GRAMD2B: variants seen among roughly 807,000 people sequenced by gnomAD.
GRAMD2B encodes the protein GRAM domain-containing protein 2B.
Under a neutral mutation model 59.2 loss-of-function variants are expected in GRAMD2B, and 41 were observed. The observed-to-expected ratio is 0.69, with a 90% confidence interval of 0.54 to 0.90. The LOEUF (loss-of-function observed/expected upper bound fraction) is 0.90. GRAMD2B is among the 40% of genes least tolerant of loss of function. The pLI, the probability that GRAMD2B is intolerant of heterozygous loss-of-function variation, is 0.00. For synonymous variants in GRAMD2B, 161 were observed against 182.7 expected (o/e 0.88, Z 0.96); for missense variants, 424 against 500.5 (o/e 0.85, Z 1.46).
Position 126,360,820 on chromosome 5 carries a change from CTA to C in GRAMD2B, c.128+363_128+364del, listed in dbSNP as rs200608308. Among the ~76,000 whole-genome samples the C allele has an allele frequency of 1.1e-3, 167 of 150,526 alleles. 2 individuals are homozygous for C. Among genetic ancestry groups the C allele is most frequent in the African/African-American group, 3.8e-3 (153 of 39,928 alleles). On this transcript the variant is annotated intron_variant, in intron 1 of 13. Transcript: ENST00000513040. ...AAAGATACAGTTGCAATCTAAGACT[CTA>C]TGTGTTCGGGAGAACTCAGTATTTG...
intron 1 of GRAMD2B, among the ~76,000 whole-genome samples, chr5:126,411,927 A>T (rs576844059): frequency 6.6e-6 from 1 of 151,714 alleles, no homozygotes. Flanking sequence ...TCATTTGTGT[A>T]TAGAAATGCT....
At chr5:126,447,263 T>C (rs538748075) in intron 1 of GRAMD2B, among the ~76,000 whole-genome samples, 1 of 152,322 alleles carries the variant, frequency 6.6e-6, no homozygotes, top group South Asian at 2.1e-4. Context: ...ACTCCTGGCC[T>C]TTCCCATGCC....
rs554447538 is a variant in GRAMD2B at position 126,447,533 on chromosome 5, G to A, written c.84-17893G>A. Among the ~76,000 whole-genome samples, 15 of 152,076 alleles carry A rather than the reference G, an allele frequency of 9.9e-5. No homozygotes were observed. The East Asian group carries it at 1.6e-3, about 16-fold the overall frequency. On this transcript the variant is annotated intron_variant, in intron 1 of 13. Transcript: ENST00000285689. ...CAAAAAATTAGCCGGGCGTGGTGGC[G>A]GGCGCCTGTAGTCCCAGCTACTCAG...
chr5:126,423,330 T>G (rs529484612), upstream of GRAMD2B: 34 of 1,296,486 alleles, frequency 2.6e-5, no homozygotes, highest in African/African-American at 5.0e-4. Context: ...CTCTGCCTCC[T>G]GGGTTGGGGA....
At chr5:126,360,211 C>A in exon 1 of GRAMD2B, 2 of 1,189,402 alleles carry the variant, frequency 1.7e-6, no homozygotes, top group Non-Finnish European at 2.4e-6. Flanking sequence ...TGAGATAGCA[C>A]TTGTGAGCGA....
chr5:126,373,575 A>G (rs1470390761), intron 1 of GRAMD2B, among the ~76,000 whole-genome samples: 2 of 152,244 alleles, frequency 1.3e-5, no homozygotes, highest in Non-Finnish European at 2.9e-5. Context: ...AGATAGACTT[A>G]GTCCCTGCTC....
Position 126,488,828 on chromosome 5 carries a change from A to C in GRAMD2B, c.1193A>C (p.Gln398Pro), listed in dbSNP as rs1343866423. The C allele has an allele frequency of 1.2e-6, 2 of 1,613,652 alleles. No homozygotes were observed. The highest frequency in any genetic ancestry group is 2.7e-5 in the African/African-American group (2 of 74,886). The change falls in exon 13 of 14, where the codon CAA (glutamine) becomes CCA (proline). Residue 398 changes from glutamine (Q) to proline (P), a missense_variant. By Grantham distance (76) the Gln-to-Pro change is moderately conservative. Coordinates refer to ENST00000285689, the MANE Select transcript of GRAMD2B (RefSeq NM_023927.4). ...GCAGCACCATCTGGCCTGAGGTCAC[A>C]AGTACAATTCAATGTGGAGGTTCTC... is the stretch of plus-strand genomic sequence containing the variant. ...EQAAPSGLRS[Q>P]VQFNVEVLCQ...
In GRAMD2B at chr5:126,493,491, TCTC is replaced by T. The variant is rs1373688170; in HGVS notation, c.*538_*540del. ...TACATTTTGTCTTTTTTTTTTCAGT[TCTC>T]CTGTTATGTTCTGGTTGAAATCACC... On this transcript the variant is annotated 3_prime_UTR_variant, in exon 14 of 14. Coordinates refer to ENST00000285689, the MANE Select transcript of GRAMD2B (RefSeq NM_023927.4). 6.6e-6 allele frequency: 1 copy of T among 152,614 alleles called. No homozygotes were observed. The highest frequency in any genetic ancestry group is 2.4e-5 in the African/African-American group (1 of 41,424). 9.5% of individuals were successfully genotyped at this position (152,614 alleles called of 1,614,324 possible).
intron 1 of GRAMD2B, among the ~76,000 whole-genome samples, chr5:126,385,127 C>A (rs1018255852): frequency 6.6e-6 from 1 of 152,140 alleles, no homozygotes; most frequent in African/African-American, 2.4e-5. Context: ...CCCAGGAGGG[C>A]TGAAGCTCAG....
chr5:126,469,276 A>G (rs186248882), intron 2 of GRAMD2B, among the ~76,000 whole-genome samples: 1 of 152,244 alleles, frequency 6.6e-6, no homozygotes, highest in East Asian at 1.9e-4. Flanking sequence ...TATCCAGAAA[A>G]GAAAAACAAA....
At chr5:126,416,679 C>T (rs534816764) in intron 1 of GRAMD2B, among the ~76,000 whole-genome samples, 72 of 152,294 alleles carry the variant, frequency 4.7e-4, no homozygotes, top group Non-Finnish European at 7.8e-4. Flanking sequence ...GAACACTGGC[C>T]TTCTTTCCAT....
intron 1 of GRAMD2B, among the ~76,000 whole-genome samples, chr5:126,445,059 G>A (rs931117731): frequency 6.6e-6 from 1 of 152,130 alleles, no homozygotes; most frequent in African/African-American, 2.4e-5. Flanking sequence ...AGTATTCCAT[G>A]GTGTATATTT....
At position 126,360,432 on chromosome 5, in the gene GRAMD2B, T is replaced by A. The variant is rs79046516; in HGVS notation, c.101T>A (p.Val34Glu). The A allele has an allele frequency of 3.5e-3, 5,490 of 1,551,236 alleles. 138 individuals carry two copies. In the African/African-American group the frequency reaches 0.066, roughly 19 times the overall value. ...AAGAGTATGTTCCACGGGAGAGAAG[T>A]GAAGCCAGTGGGTCCGGACCTGGAA... The change falls in exon 1 of 14, where the codon GTG (valine) becomes GAG (glutamate). Residue 34 changes from valine to glutamate, a missense_variant. Physicochemically the swap from Val to Glu is moderately radical, Grantham distance 121. Transcript: ENST00000513040.
At chr5:126,423,761 G>T in intron 1 of GRAMD2B, 72 bp downstream of exon 1, 1 of 1,462,790 alleles carries the variant, frequency 6.8e-7, no homozygotes, top group South Asian at 1.3e-5. Flanking sequence ...GCCCCGGGAC[G>T]CATTTTGGGT....
intron 1 of GRAMD2B, among the ~76,000 whole-genome samples, chr5:126,375,946 A>C (rs574413675): frequency 6.6e-6 from 1 of 152,234 alleles, no homozygotes; most frequent in Non-Finnish European, 1.5e-5. Flanking sequence ...GTACCTCAAA[A>C]TTCAAAATTT....
chr5:126,461,434 G>T (rs1389475036), intron 1 of GRAMD2B, among the ~76,000 whole-genome samples: 1 of 152,168 alleles, frequency 6.6e-6, no homozygotes, highest in East Asian at 1.9e-4. Context: ...ACCTGTTTTT[G>T]TATGTATAAA....
rs893607696 is a variant in GRAMD2B at position 126,485,683 on chromosome 5, C to G, written c.971-3C>G. 3 of 1,603,806 alleles carry G rather than the reference C, an allele frequency of 1.9e-6. No homozygotes were observed. The highest frequency in any genetic ancestry group is 2.6e-6 in the Non-Finnish European group (3 of 1,172,546). On this transcript the variant is annotated splice_region_variant and splice_polypyrimidine_tract_variant and intron_variant, in intron 10 of 13. Coordinates refer to ENST00000285689, the MANE Select transcript of GRAMD2B (RefSeq NM_023927.4). The stretch of plus-strand genomic sequence containing the variant: ...CAGTTGTTTTTTGTTTTCCTCCCAA[C>G]AGGTCTGTCAGAAACTGTTGGAATC...
intron 1 of GRAMD2B, among the ~76,000 whole-genome samples, chr5:126,365,276 T>A (rs1009211356): frequency 2.6e-5 from 4 of 152,056 alleles, no homozygotes; most frequent in Admixed American, 2.6e-4. Flanking sequence ...AATAGTAAAT[T>A]TATGTTATGT....
chr5:126,401,268 A>G (rs991348180), intron 1 of GRAMD2B, among the ~76,000 whole-genome samples: 5 of 151,980 alleles, frequency 3.3e-5, no homozygotes, highest in Admixed American at 2.6e-4. Context: ...AATTGTGTTC[A>G]GCTCCAGAAT....
Sources: allele counts gnomAD v4.1 joint callset (sites outside exome capture counted in the v4.1 genomes callset), GRCh38; gene constraint gnomAD v4.1.1; transcripts MANE v1.5; gene names NCBI Gene and HGNC (gene_info 2026-07-23, HGNC 2026-07-21).